RBMS3: variants seen among roughly 807,000 people sequenced by gnomAD.
RBMS3 encodes the protein RNA binding motif single stranded interacting protein 3.
Under a neutral mutation model 66.8 loss-of-function variants are expected in RBMS3, and 27 were observed. The ratio of observed to expected loss-of-function variants is 0.40; its 90% confidence interval spans 0.30 to 0.56. The LOEUF (loss-of-function observed/expected upper bound fraction) is 0.56, where lower values mean the gene tolerates loss of function less well. Among genes scored for constraint, RBMS3 ranks in the 20% least tolerant of loss-of-function variants. The pLI, the probability that RBMS3 is intolerant of heterozygous loss-of-function variation, is 0.40. For missense variants in RBMS3, 513 were observed against 549.5 expected (o/e 0.93, Z 0.66); for synonymous variants, 188 against 183.0 (o/e 1.03, Z -0.22).
intron 3 of RBMS3, among the ~76,000 whole-genome samples, chr3:29,546,595 A>T (rs1222957195): frequency 3.3e-5 from 5 of 152,210 alleles, no homozygotes; most frequent in Non-Finnish European, 7.3e-5. Context: ...TGGAAGAAAA[A>T]ATTGTTTTTC....
intron 1 of RBMS3, among the ~76,000 whole-genome samples, chr3:29,393,854 G>T (rs779506931): frequency 6.6e-6 from 1 of 152,108 alleles, no homozygotes; most frequent in Non-Finnish European, 1.5e-5. Context: ...TACGAGCAGG[G>T]AGTAAGTCAC....
intron 3 of RBMS3, among the ~76,000 whole-genome samples, chr3:29,492,540 G>T (rs1311471695): frequency 6.6e-6 from 1 of 152,168 alleles, no homozygotes; most frequent in South Asian, 2.1e-4. Flanking sequence ...TATCTGCGGA[G>T]AAATAATGGG....
In RBMS3 at chr3:29,871,757, C is replaced by T. The variant is rs2149555519; in HGVS notation, c.744+2793C>T. 1.3e-5 allele frequency among the ~76,000 whole-genome samples: 2 copies of T among 152,194 alleles called. 1 individual carries two copies. Among genetic ancestry groups the T allele is most frequent in the South Asian group, 4.1e-4 (2 of 4,822 alleles). On this transcript the variant is annotated intron_variant, in intron 7 of 14. Coordinates refer to ENST00000383767, the MANE Select transcript of RBMS3 (RefSeq NM_001003793.3). ...GATTTCTGACGAAATTCTTAGGATACAAAACCAATAGATTACAAGTATTTT... is the reference window on the plus strand; with the variant it reads ...GATTTCTGACGAAATTCTTAGGATATAAAACCAATAGATTACAAGTATTTT...
intron 12 of RBMS3, among the ~76,000 whole-genome samples, chr3:29,948,246 T>C (rs994646043): frequency 4.0e-5 from 6 of 151,784 alleles, no homozygotes; most frequent in East Asian, 1.9e-4. Context: ...TTGGAGTACA[T>C]GATGCAATTA....
intron 4 of RBMS3, among the ~76,000 whole-genome samples, chr3:29,690,110 A>C (rs1022225348): frequency 9.9e-5 from 15 of 151,808 alleles, no homozygotes; most frequent in Admixed American, 1.3e-4. Flanking sequence ...AGAATAATAT[A>C]AATTATATTT....
At chr3:29,918,909 G>GTAATAATAT (rs1446297788) in intron 10 of RBMS3, among the ~76,000 whole-genome samples, 1 of 151,734 alleles carries the variant, frequency 6.6e-6, no homozygotes, top group Non-Finnish European at 1.5e-5. Context: ...TTCTTCTAAA[G>GTAATAATAT]TAATAATATT....
At chr3:29,809,513 T>C (rs1174865779) in intron 6 of RBMS3, among the ~76,000 whole-genome samples, 1 of 151,988 alleles carries the variant, frequency 6.6e-6, no homozygotes, top group Non-Finnish European at 1.5e-5. Context: ...TAACGGGGCC[T>C]TCAACTATGT....
chr3:29,409,977 A>C (rs958205661), intron 1 of RBMS3, among the ~76,000 whole-genome samples: 2 of 152,096 alleles, frequency 1.3e-5, no homozygotes, highest in Non-Finnish European at 2.9e-5. Context: ...GGGAATGTTC[A>C]CATTGGTTTT....
At chr3:29,547,817 T>A (rs980969009) in intron 3 of RBMS3, among the ~76,000 whole-genome samples, 5 of 147,684 alleles carry the variant, frequency 3.4e-5, no homozygotes, top group African/African-American at 1.2e-4. Flanking sequence ...ATTTTTTTTT[T>A]TTTTTTTTTT....
chr3:29,834,063 A>C (rs1379942001), intron 6 of RBMS3, among the ~76,000 whole-genome samples: 1 of 152,132 alleles, frequency 6.6e-6, no homozygotes. Flanking sequence ...GAAAAAAATT[A>C]CAAAACAAAA....
intron 5 of RBMS3, among the ~76,000 whole-genome samples, chr3:29,748,887 G>T (rs183454596): frequency 6.6e-6 from 1 of 152,276 alleles, no homozygotes; most frequent in Non-Finnish European, 1.5e-5. Context: ...GCAGGGGAGA[G>T]AATACATCTC....
chr3:29,364,762 A>C (rs917343480), intron 1 of RBMS3, among the ~76,000 whole-genome samples: 2 of 152,074 alleles, frequency 1.3e-5, no homozygotes, highest in African/African-American at 2.4e-5. Flanking sequence ...TAATAAATTA[A>C]ACTTCTTTGT....
At chr3:29,894,494 G>A (rs114382904) in intron 8 of RBMS3, among the ~76,000 whole-genome samples, 153 of 151,486 alleles carry the variant, frequency 1.0e-3, no homozygotes, top group African/African-American at 3.5e-3. Context: ...CAGTGTGTGC[G>A]TGTGAGAGAG....
intron 4 of RBMS3, among the ~76,000 whole-genome samples, chr3:29,706,370 A>G (rs2052891926): frequency 6.6e-6 from 1 of 152,202 alleles, no homozygotes; most frequent in Non-Finnish European, 1.5e-5. Context: ...CTATGCAAGG[A>G]GGGCTATGAT....
intron 10 of RBMS3, among the ~76,000 whole-genome samples, chr3:29,908,928 A>C (rs1045113305): frequency 1.1e-4 from 16 of 152,126 alleles, no homozygotes; most frequent in East Asian, 3.9e-4. Flanking sequence ...ATAACCTAAA[A>C]AATAAAGAAG....
At chr3:29,572,551 T>C (rs1370621725) in intron 3 of RBMS3, among the ~76,000 whole-genome samples, 4 of 152,238 alleles carry the variant, frequency 2.6e-5, no homozygotes, top group Non-Finnish European at 5.9e-5. Context: ...TTCATTTTGT[T>C]GATATGTTGT....
intron 3 of RBMS3, among the ~76,000 whole-genome samples, chr3:29,494,186 G>C (rs898588960): frequency 6.6e-6 from 1 of 152,136 alleles, no homozygotes; most frequent in African/African-American, 2.4e-5. Context: ...AAAAGAAAAG[G>C]TATAAAAATT....
intron 2 of RBMS3, among the ~76,000 whole-genome samples, chr3:29,470,554 A>ATT (rs569004342): frequency 6.6e-6 from 1 of 151,386 alleles, no homozygotes; most frequent in Non-Finnish European, 1.5e-5. Flanking sequence ...ATGCTTTCTG[A>ATT]TTTTTTTTTC....
chr3:29,575,285 T>C (rs1404552759), intron 3 of RBMS3, among the ~76,000 whole-genome samples: 3 of 150,622 alleles, frequency 2.0e-5, no homozygotes, highest in Non-Finnish European at 3.0e-5. Flanking sequence ...GGGTAAAAGT[T>C]TTTTTTTTTT....
Sources: gnomAD v4.1 joint callset for allele counts (sites outside exome capture counted in the v4.1 genomes callset) on GRCh38, gnomAD v4.1.1 for gene constraint, MANE v1.5 for transcripts, NCBI Gene and HGNC (gene_info 2026-07-23, HGNC 2026-07-21) for gene names.